The following PTGER3 variants were observed in gnomAD, a reference collection of about 807,000 sequenced individuals.
PTGER3 encodes prostaglandin E receptor 3.
Under a neutral mutation model 34.7 loss-of-function variants are expected in PTGER3, and 22 were observed. That is an observed-to-expected ratio of 0.63 (90% CI 0.45 to 0.91). The LOEUF (loss-of-function observed/expected upper bound fraction) is 0.91, where lower values mean the gene tolerates loss of function less well. Among genes scored for constraint, PTGER3 ranks in the 40% least tolerant of loss-of-function variants. PTGER3 has a pLI of 0.00. For missense variants in PTGER3, 468 were observed against 519.4 expected, an observed-to-expected ratio of 0.90 and a Z score of 0.96; for synonymous variants, 241 against 230.1, an observed-to-expected ratio of 1.05 and a Z score of -0.43.
intron 1 of PTGER3, among the ~76,000 whole-genome samples, chr1:71,021,061 A>G (rs2100900137): frequency 6.6e-6 from 1 of 152,238 alleles, no homozygotes; most frequent in South Asian, 2.1e-4. Context: ...ACATTCACAA[A>G]CAGAACAAAA....
chr1:70,898,664 A>T, intron 4 of PTGER3, among the ~76,000 whole-genome samples: 1 of 152,150 alleles, frequency 6.6e-6, no homozygotes, highest in South Asian at 2.1e-4. Context: ...TGGAAAAGTT[A>T]GTTCTTTCTC....
Position 70,953,715 on chromosome 1 carries a change from G to C in PTGER3, c.1104+48C>G, listed in dbSNP as rs371333025. ...CAGTACAGTTGGCAGAAAGTGAAGA[G>C]GTTTGGATTCAAATGCAACTAGTTT... On this transcript the variant is annotated intron_variant, in intron 3 of 3. Coordinates refer to the PTGER3 transcript ENST00000356595. 2.9e-5 allele frequency: 45 copies of C among 1,537,332 alleles called. No homozygotes were observed. In the African/African-American group the frequency reaches 4.9e-4, roughly 17 times the overall value.
chr1:70,891,949 C>T (rs879852099), intron 4 of PTGER3, among the ~76,000 whole-genome samples: 17 of 152,214 alleles, frequency 1.1e-4, no homozygotes, highest in African/African-American at 7.2e-5. Context: ...TAATGTTATA[C>T]GGAAACAAAA....
chr1:71,022,557 A>T (rs980207777), intron 1 of PTGER3, among the ~76,000 whole-genome samples: 1 of 151,890 alleles, frequency 6.6e-6, no homozygotes, highest in Non-Finnish European at 1.5e-5. Context: ...TTTTAAATCT[A>T]TTAAGACTTC....
intron 4 of PTGER3, among the ~76,000 whole-genome samples, chr1:70,906,586 T>C (rs1646953457): frequency 6.6e-6 from 1 of 152,214 alleles, no homozygotes. Flanking sequence ...TTTTATAATT[T>C]GTATGTTGTA....
intron 2 of PTGER3, among the ~76,000 whole-genome samples, chr1:70,961,948 C>G (rs917255856): frequency 2.0e-5 from 3 of 152,212 alleles, no homozygotes; most frequent in Non-Finnish European, 4.4e-5. Context: ...GTTGAGGCAC[C>G]CTGTAAATGG....
intron 1 of PTGER3, among the ~76,000 whole-genome samples, chr1:71,027,604 A>C (rs1363731135): frequency 2.0e-5 from 3 of 152,218 alleles, no homozygotes; most frequent in Non-Finnish European, 4.4e-5. Context: ...AGATGTATTG[A>C]CATAGTCCCC....
intron 4 of PTGER3, among the ~76,000 whole-genome samples, chr1:70,867,323 T>A (rs1373589141): frequency 6.6e-6 from 1 of 152,236 alleles, no homozygotes; most frequent in Non-Finnish European, 1.5e-5. Flanking sequence ...ATCACACTAT[T>A]CATATTTATT....
At chr1:70,945,574 C>T (rs1482260802) in intron 4 of PTGER3, among the ~76,000 whole-genome samples, 2 of 151,980 alleles carry the variant, frequency 1.3e-5, no homozygotes, top group African/African-American at 2.4e-5. Context: ...TTTACTTTCT[C>T]ATATATTGGT....
At chr1:71,007,319 T>C (rs887694083) in intron 2 of PTGER3, 1 of 985,824 alleles carries the variant, frequency 1.0e-6, no homozygotes, top group Middle Eastern at 5.2e-4. Context: ...ACACTATTTG[T>C]ACAAAAACAT....
chr1:71,007,389 GAA>G (rs961879374), intron 2 of PTGER3: 2 of 985,768 alleles, frequency 2.0e-6, no homozygotes, highest in African/African-American at 3.5e-5. Context: ...AGTTGGGAAG[GAA>G]GAGAGTTCAG....
At chr1:71,033,866 G>A (rs183557196) in intron 1 of PTGER3, among the ~76,000 whole-genome samples, 4 of 152,150 alleles carry the variant, frequency 2.6e-5, no homozygotes, top group East Asian at 1.9e-4. Flanking sequence ...TCCTTCTGCC[G>A]TGGTCAAGGT....
At chr1:70,988,308 C>T (rs894255953) in intron 2 of PTGER3, among the ~76,000 whole-genome samples, 7 of 152,148 alleles carry the variant, frequency 4.6e-5, no homozygotes, top group Non-Finnish European at 1.0e-4. Flanking sequence ...AGGAACCATT[C>T]TCAGACTATG....
chr1:71,027,770 C>T (rs1352148565), intron 1 of PTGER3, among the ~76,000 whole-genome samples: 1 of 152,050 alleles, frequency 6.6e-6, no homozygotes, highest in Non-Finnish European at 1.5e-5. Flanking sequence ...AATTTTAATT[C>T]ACCCAATATA....
chr1:70,866,861 C>T (rs900771876), intron 4 of PTGER3, among the ~76,000 whole-genome samples: 3 of 152,192 alleles, frequency 2.0e-5, no homozygotes, highest in African/African-American at 7.2e-5. Context: ...CATGCTCTTA[C>T]TTCTGGATCA....
chr1:71,026,757 T>G (rs1403097318), intron 1 of PTGER3, among the ~76,000 whole-genome samples: 1 of 152,110 alleles, frequency 6.6e-6, no homozygotes, highest in East Asian at 1.9e-4. Context: ...ATTATAATGT[T>G]TCTAAGAATA....
chr1:71,011,683 G>C (rs1283511517), intron 2 of PTGER3: 1 of 974,610 alleles, frequency 1.0e-6, no homozygotes, highest in African/African-American at 1.8e-5. Context: ...GCTGTATTGA[G>C]CAATATTTGA....
intron 4 of PTGER3, among the ~76,000 whole-genome samples, chr1:70,857,686 C>T (rs1645839566): frequency 6.6e-6 from 1 of 152,056 alleles, no homozygotes; most frequent in African/African-American, 2.4e-5. Flanking sequence ...CAGGCACCGC[C>T]ACCACGCCCG....
downstream of PTGER3, chr1:70,951,468 A>G (rs1650753847): frequency 6.6e-6 from 1 of 152,160 alleles, no homozygotes; most frequent in African/African-American, 2.4e-5. Flanking sequence ...TGTTCCCTGT[A>G]TTTCAATATC....
Sources: gnomAD v4.1 joint callset for allele counts (sites outside exome capture counted in the v4.1 genomes callset) on GRCh38, gnomAD v4.1.1 for gene constraint, MANE v1.5 for transcripts, NCBI Gene and HGNC (gene_info 2026-07-23, HGNC 2026-07-21) for gene names.